CHMP1A: variants seen among roughly 807,000 people sequenced by gnomAD.
The protein encoded by CHMP1A is charged multivesicular body protein 1A.
In CHMP1A, 17 loss-of-function variants were observed where a neutral mutation model predicts 27.0. The observed-to-expected ratio is 0.63, with a 90% CI of 0.43 to 0.95. The LOEUF (loss-of-function observed/expected upper bound fraction) is 0.95, where lower values mean the gene tolerates loss of function less well. CHMP1A is among the 40% of genes least tolerant of loss of function. The pLI, the probability that CHMP1A is intolerant of heterozygous loss-of-function variation, is 0.00. For synonymous variants in CHMP1A, 131 were observed against 107.5 expected, an observed-to-expected ratio of 1.22 and a Z score of -1.35; for missense variants, 275 against 264.0, an observed-to-expected ratio of 1.04 and a Z score of -0.29.
intron 1 of CHMP1A, among the ~76,000 whole-genome samples, chr16:89,654,744 C>T (rs879876038): frequency 5.9e-5 from 9 of 152,088 alleles, no homozygotes; most frequent in Admixed American, 2.0e-4. Context: ...AGATCGAGAC[C>T]ATCCTGGCTA....
At chr16:89,656,589 G>C (rs1298552880) in intron 1 of CHMP1A, among the ~76,000 whole-genome samples, 1 of 152,210 alleles carries the variant, frequency 6.6e-6, no homozygotes, top group East Asian at 1.9e-4. Context: ...GAATTAGGGC[G>C]ACCCATTGAG....
Position 89,649,353 on chromosome 16 carries a change from C to G in CHMP1A, c.250G>C (p.Gly84Arg), listed in dbSNP as rs200323717. 6.2e-6 allele frequency: 10 copies of G among 1,611,974 alleles called. No homozygotes were observed. Among genetic ancestry groups the G allele is most frequent in the Admixed American group, 3.3e-5 (2 of 59,988 alleles). ...CAGCACCAGGGCCCAGCACTCACCCCCTTCATAGTCACAGCTGTCTGCACC... is the reference window on the plus strand; with the variant it reads ...CAGCACCAGGGCCCAGCACTCACCCGCTTCATAGTCACAGCTGTCTGCACC... Reference protein sequence around the residue: ...SKVQTAVTMKGVTKNMAQVTK... With the variant: ...SKVQTAVTMKRVTKNMAQVTK... The change falls in exon 4 of 7, where the codon GGG becomes CGG. Residue 84 changes from glycine to arginine, a missense_variant and splice_region_variant. Physicochemically the swap from Gly to Arg is moderately radical, Grantham distance 125 (BLOSUM62 -2). Transcript: ENST00000397901.
At chr16:89,656,176 G>A (rs1049915940) in intron 1 of CHMP1A, among the ~76,000 whole-genome samples, 3 of 152,214 alleles carry the variant, frequency 2.0e-5, no homozygotes, top group Non-Finnish European at 4.4e-5. Context: ...TCGCTCTGTC[G>A]CCCAGGCTGG....
chr16:89,647,120 G>C, intron 5 of CHMP1A, 83 bp downstream of exon 5: 1 of 1,555,896 alleles, frequency 6.4e-7, no homozygotes, highest in South Asian at 1.2e-5. Context: ...CAGCACGTCA[G>C]CCTGTGAGCC....
chr16:89,654,072 C>CG (rs2059845431), intron 1 of CHMP1A, 149 bp from the exon 2 acceptor site: 1 of 836,812 alleles, frequency 1.2e-6, no homozygotes, highest in Non-Finnish European at 2.0e-6. Context: ...GGAGCCCCCC[C>CG]CAACAGGGGA....
Position 89,657,570 on chromosome 16 carries a change from G to A in CHMP1A, c.7+12C>T. 6.2e-7 allele frequency: 1 copy of A among 1,610,850 alleles called. No individual in the cohort carries two copies. Among genetic ancestry groups the A allele is most frequent in the Non-Finnish European group, 8.5e-7 (1 of 1,179,156 alleles). The stretch of plus-strand genomic sequence containing the variant: ...GCGCGCGAGTCCCCGGAGGACGGCC[G>A]CGACCTCTTACCGTCCATGGCCACA... On this transcript the variant is annotated intron_variant, in intron 1 of 6. Transcript: ENST00000397901.
chr16:89,653,462 T>C (rs759575204), intron 2 of CHMP1A, among the ~76,000 whole-genome samples: 32 of 149,044 alleles, frequency 2.1e-4, no homozygotes, highest in Non-Finnish European at 3.7e-4. Flanking sequence ...CTATTAAAAA[T>C]GTAAAAAAAA....
Position 89,650,245 on chromosome 16 carries a change from C to T in CHMP1A, c.106-748G>A, listed in dbSNP as rs533586957. On this transcript the variant is annotated intron_variant, in intron 3 of 6. Transcript: ENST00000397901. The stretch of plus-strand genomic sequence containing the variant: ...CCAGGATGGAGTGCAGCAGTGTGAT[C>T]TCGGCTCACTGCAACCTCCACCTCC... Among the ~76,000 whole-genome samples, 15 of 151,766 alleles carry T rather than the reference C, an allele frequency of 9.9e-5. No homozygotes were observed. The South Asian group carries it at 3.1e-3, about 32-fold the overall frequency.
At chr16:89,651,508 G>T in intron 3 of CHMP1A, 61 bp downstream of exon 3, 1 of 1,511,710 alleles carries the variant, frequency 6.6e-7, no homozygotes, top group South Asian at 1.1e-5. Context: ...CAAAAATAAG[G>T]GCAGAAAAGG....
chr16:89,649,508 C>T lies in CHMP1A; in HGVS notation c.106-11G>A, dbSNP rs3815949. 65 of 1,613,326 alleles carry T rather than the reference C, an allele frequency of 4.0e-5. No homozygotes were observed. Among genetic ancestry groups the T allele is most frequent in the South Asian group, 1.8e-4 (16 of 91,068 alleles). On this transcript the variant is annotated splice_polypyrimidine_tract_variant and intron_variant, in intron 3 of 6. Transcript: ENST00000397901. ...TTTCTGCAGAAGGGCCTGAAACCCG[C>T]GGGGGAAAGCAGCTGGAAGAGCTTG...
chr16:89,657,210 C>T (rs1241924401), intron 1 of CHMP1A, among the ~76,000 whole-genome samples: 2 of 142,820 alleles, frequency 1.4e-5, no homozygotes, highest in African/African-American at 5.3e-5. Context: ...TGGTAGAGGC[C>T]CTGGGGAAGG....
At chr16:89,654,035 C>T in intron 1 of CHMP1A, 112 bp from the exon 2 acceptor site, 5 of 1,127,732 alleles carry the variant, frequency 4.4e-6, no homozygotes, top group Non-Finnish European at 6.7e-6. Flanking sequence ...AACACACACA[C>T]AGACCACACC....
Position 89,645,968 on chromosome 16 carries a change from C to T in CHMP1A, c.*98G>A. On this transcript the variant is annotated 3_prime_UTR_variant, in exon 7 of 7. Coordinates refer to ENST00000397901, the MANE Select transcript of CHMP1A (RefSeq NM_002768.5). The stretch of plus-strand genomic sequence containing the variant: ...GACGCAGAGTGGCTGCCGGCCGCAG[C>T]CCCGCGGGGTCAGCACAAAGGCAAG... The T allele has an allele frequency of 6.2e-7, 1 of 1,611,444 alleles. No individual in the cohort carries two copies. Among genetic ancestry groups the T allele is most frequent in the Non-Finnish European group, 8.5e-7 (1 of 1,179,220 alleles).
In CHMP1A at chr16:89,651,619, C is replaced by T; in HGVS notation, c.55G>A (p.Ala19Thr). Residue 19 changes from alanine (A) to threonine (T), a missense_variant, in exon 3 of 7, where the codon GCC becomes ACC. Coordinates refer to ENST00000397901, the MANE Select transcript of CHMP1A (RefSeq NM_002768.5). ...TTGGAGTCCTTCTCCGCCTTCTTGG[C>T]CAGCTTCTCCAGCTGCTTCGCCGTG... ...KFTAKQLEKLAKKAEKDSKAE... is the reference protein window; with the variant it reads ...KFTAKQLEKLTKKAEKDSKAE... 4 of 1,613,748 alleles carry T rather than the reference C, an allele frequency of 2.5e-6. No individual in the cohort carries two copies. The highest frequency in any genetic ancestry group is 3.4e-6 in the Non-Finnish European group (4 of 1,179,840).
intron 1 of CHMP1A, among the ~76,000 whole-genome samples, chr16:89,655,239 T>C (rs958417059): frequency 6.6e-5 from 10 of 152,164 alleles, no homozygotes; most frequent in Non-Finnish European, 1.3e-4. Flanking sequence ...TCAGTTCAGG[T>C]GTGGTCACGG....
chr16:89,645,132 T>G lies in CHMP1A; in HGVS notation c.*934A>C, dbSNP rs918610454. ...CCTTGGCTTCCAAGCTGGGAAGGCA[T>G]TGGGGTGTGGTCGGGGAAGGCACCC... On this transcript the variant is annotated 3_prime_UTR_variant, in exon 7 of 7. Transcript: ENST00000397901. The G allele has an allele frequency of 6.6e-6, 1 of 152,272 alleles. No individual in the cohort carries two copies. Among genetic ancestry groups the G allele is most frequent in the Non-Finnish European group, 1.5e-5 (1 of 68,122 alleles). 9.4% of individuals were successfully genotyped at this position (152,272 alleles called of 1,614,324 possible).
At chr16:89,649,858 G>T (rs901389060) in intron 3 of CHMP1A, among the ~76,000 whole-genome samples, 1 of 152,278 alleles carries the variant, frequency 6.6e-6, no homozygotes, top group Admixed American at 6.5e-5. Context: ...TCACAGGCGT[G>T]AGCCACCGCG....
rs766642356 is a variant in CHMP1A, at chr16:89,645,608, A to T, written c.*458T>A. 3.5e-6 allele frequency: 1 copy of T among 282,216 alleles called. No individual in the cohort carries two copies. Among genetic ancestry groups the T allele is most frequent in the Non-Finnish European group, 6.9e-6 (1 of 145,236 alleles). 17.5% of individuals were successfully genotyped at this position (282,216 alleles called of 1,614,324 possible). ...ACCTGACATCCCCCAGCACACATAG[A>T]CCTGTGGTGCCTCCTTGGGCTATGT... is the stretch of plus-strand genomic sequence containing the variant. On this transcript the variant is annotated 3_prime_UTR_variant, in exon 7 of 7. Transcript: ENST00000397901.
At chr16:89,649,684 T>A (rs952923877) in intron 3 of CHMP1A, 187 bp from the exon 4 acceptor site, 80 of 634,408 alleles carry the variant, frequency 1.3e-4, no homozygotes, top group Non-Finnish European at 1.9e-4. Flanking sequence ...CATGCCATTC[T>A]CCTGCCTCAG....
Sources: allele counts gnomAD v4.1 joint callset (sites outside exome capture counted in the v4.1 genomes callset), GRCh38; gene constraint gnomAD v4.1.1; transcripts MANE v1.5; gene names NCBI Gene and HGNC (gene_info 2026-07-23, HGNC 2026-07-21).